The following PLEKHB2 variants were observed in gnomAD, a reference collection of about 807,000 sequenced individuals.
The protein encoded by PLEKHB2 is pleckstrin homology domain-containing family B member 2.
Under a neutral mutation model 36.5 loss-of-function variants are expected in PLEKHB2, and 31 were observed. The observed-to-expected ratio is 0.85, with a 90% CI of 0.64 to 1.15. PLEKHB2 has a LOEUF of 1.15. Among genes scored for constraint, PLEKHB2 ranks in the 50% most tolerant of loss-of-function variants. The pLI is 0.00. For missense variants in PLEKHB2, 262 were observed against 295.3 expected, an observed-to-expected ratio of 0.89 and a Z score of 0.83; for synonymous variants, 119 against 112.0, an observed-to-expected ratio of 1.06 and a Z score of -0.39.
At chr2:131,134,659 A>G (rs772542755) in intron 6 of PLEKHB2, among the ~76,000 whole-genome samples, 44 of 152,074 alleles carry the variant, frequency 2.9e-4, no homozygotes, top group Non-Finnish European at 5.7e-4. Flanking sequence ...GGACTGATCA[A>G]CACCCTCTTT....
intron 4 of PLEKHB2, among the ~76,000 whole-genome samples, chr2:131,129,730 C>CGGACCTCAGG (rs1697480846): frequency 6.6e-6 from 1 of 152,096 alleles, no homozygotes; most frequent in East Asian, 1.9e-4. Flanking sequence ...TCTCGAACTC[C>CGGACCTCAGG]TGACCTCAGG....
chr2:131,144,052 G>A (rs1003637219), intron 7 of PLEKHB2, among the ~76,000 whole-genome samples: 4 of 152,168 alleles, frequency 2.6e-5, no homozygotes, highest in Admixed American at 6.5e-5. Flanking sequence ...AGACTTGCTT[G>A]CTGTGGAAGG....
chr2:131,118,524 G>A (rs1319141682), intron 1 of PLEKHB2, among the ~76,000 whole-genome samples: 1 of 152,042 alleles, frequency 6.6e-6, no homozygotes, highest in Non-Finnish European at 1.5e-5. Context: ...GCCCACTTGC[G>A]CTTGTGCTAA....
intron 1 of PLEKHB2, among the ~76,000 whole-genome samples, chr2:131,114,568 C>A (rs1695664535): frequency 6.6e-6 from 1 of 152,168 alleles, no homozygotes; most frequent in African/African-American, 2.4e-5. Context: ...ATTTTCCAAA[C>A]TTTTATGCTC....
At chr2:131,122,951 C>T (rs1696669732) in intron 2 of PLEKHB2, among the ~76,000 whole-genome samples, 1 of 152,186 alleles carries the variant, frequency 6.6e-6, no homozygotes. Context: ...TCCTTTGGCC[C>T]TTTGGATGTC....
intron 1 of PLEKHB2, among the ~76,000 whole-genome samples, chr2:131,117,905 G>A (rs1696052492): frequency 1.3e-5 from 2 of 152,112 alleles, no homozygotes; most frequent in African/African-American, 4.8e-5. Context: ...GGTGTTCTAA[G>A]AATATTTAAT....
intron 2 of PLEKHB2, among the ~76,000 whole-genome samples, chr2:131,121,476 G>A (rs769587888): frequency 6.6e-6 from 1 of 152,044 alleles, no homozygotes; most frequent in Non-Finnish European, 1.5e-5. Flanking sequence ...TCAAACTCCC[G>A]ACCTCAGGTG....
rs911863109 is a variant in PLEKHB2, at chr2:131,133,350, TA to T, written c.423+365del. Among the ~76,000 whole-genome samples the T allele has an allele frequency of 5.9e-5, 9 of 152,206 alleles. 1 individual carries two copies. The highest frequency in any genetic ancestry group is 2.6e-4 in the Admixed American group (4 of 15,280). On this transcript the variant is annotated intron_variant, in intron 6 of 7. Coordinates refer to ENST00000693505, the MANE Select transcript of PLEKHB2 (RefSeq NM_001100623.2). ...TGCTATATTTTAGGGAAAATAACCT[TA>T]AAAAATCATGTCAAATACATTGGGA...
chr2:131,123,124 CAT>C (rs1469062312), intron 2 of PLEKHB2, among the ~76,000 whole-genome samples: 4 of 152,228 alleles, frequency 2.6e-5, no homozygotes, highest in Admixed American at 2.0e-4. Flanking sequence ...AAATAAGTCA[CAT>C]AGACTTTTCC....
chr2:131,128,889 C>T (rs976457327), intron 4 of PLEKHB2, among the ~76,000 whole-genome samples: 1 of 152,092 alleles, frequency 6.6e-6, no homozygotes, highest in East Asian at 1.9e-4. Context: ...CTACTAGACT[C>T]TTCCACCTGA....
chr2:131,116,584 AAGT>A (rs1288530869), intron 1 of PLEKHB2, among the ~76,000 whole-genome samples: 1 of 152,152 alleles, frequency 6.6e-6, no homozygotes, highest in Non-Finnish European at 1.5e-5. Flanking sequence ...ACTTATAAAC[AAGT>A]AGATCTCCTG....
chr2:131,139,320 A>G (rs971191932), intron 6 of PLEKHB2, among the ~76,000 whole-genome samples: 1 of 152,096 alleles, frequency 6.6e-6, no homozygotes, highest in Non-Finnish European at 1.5e-5. Flanking sequence ...CTTTGTATAT[A>G]ATGACCAGAG....
intron 6 of PLEKHB2, among the ~76,000 whole-genome samples, chr2:131,134,102 TG>T (rs1249568872): frequency 6.6e-6 from 1 of 152,080 alleles, no homozygotes; most frequent in Non-Finnish European, 1.5e-5. Context: ...GGTTTCACTG[TG>T]TTAGCCAGGA....
At chr2:131,138,715 T>A (rs1698503494) in intron 6 of PLEKHB2, among the ~76,000 whole-genome samples, 1 of 152,188 alleles carries the variant, frequency 6.6e-6, no homozygotes, top group Admixed American at 6.5e-5. Flanking sequence ...CCCCGTAGCC[T>A]CCACTGATAC....
intron 6 of PLEKHB2, among the ~76,000 whole-genome samples, chr2:131,134,216 C>T (rs1485942460): frequency 5.3e-5 from 8 of 150,422 alleles, no homozygotes; most frequent in Admixed American, 1.3e-4. Flanking sequence ...GATGGAGTTT[C>T]GCTTTTGTTG....
At chr2:131,123,979 G>T (rs1484198485) in intron 2 of PLEKHB2, among the ~76,000 whole-genome samples, 2 of 151,968 alleles carry the variant, frequency 1.3e-5, no homozygotes, top group Non-Finnish European at 2.9e-5. Context: ...CTCCCAAGTA[G>T]CTGGGACTGC....
chr2:131,123,708 A>C (rs887539109), intron 2 of PLEKHB2, among the ~76,000 whole-genome samples: 2 of 143,446 alleles, frequency 1.4e-5, no homozygotes, highest in Admixed American at 6.9e-5. Context: ...TATCTTTAGT[A>C]GAGATGGGAT....
chr2:131,143,625 G>A (rs1362103379), intron 7 of PLEKHB2, among the ~76,000 whole-genome samples: 1 of 152,220 alleles, frequency 6.6e-6, no homozygotes, highest in African/African-American at 2.4e-5. Flanking sequence ...AAGATGGCCT[G>A]TTGTGCTCTA....
At chr2:131,118,591 C>A (rs188700462) in intron 1 of PLEKHB2, among the ~76,000 whole-genome samples, 1 of 152,028 alleles carries the variant, frequency 6.6e-6, no homozygotes, top group Non-Finnish European at 1.5e-5. Flanking sequence ...CAAGGCCAGG[C>A]GCGGTGGCTC....
Sources: gnomAD v4.1 joint callset for allele counts (sites outside exome capture counted in the v4.1 genomes callset) on GRCh38, gnomAD v4.1.1 for gene constraint, MANE v1.5 for transcripts, NCBI Gene and HGNC (gene_info 2026-07-23, HGNC 2026-07-21) for gene names.